LDLRAD4: variants seen among roughly 807,000 people sequenced by gnomAD.
LDLRAD4 encodes the protein low-density lipoprotein receptor class A domain-containing protein 4.
Under a neutral mutation model 17.0 loss-of-function variants are expected in LDLRAD4, and 5 were observed. The observed-to-expected ratio is 0.29, with a 90% CI of 0.15 to 0.62. The LOEUF is 0.62. LDLRAD4 is among the 20% of genes least tolerant of loss of function. The probability of loss-of-function intolerance (pLI) is 0.84; values close to 1 mark genes in which losing one functional copy is unlikely to be tolerated. For synonymous variants in LDLRAD4, 168 were observed against 171.8 expected (o/e 0.98, Z 0.17); for missense variants, 340 against 424.7 (o/e 0.80, Z 1.75).
intron 1 of LDLRAD4, chr18:13,240,174 G>A (rs1264897939): frequency 6.6e-6 from 1 of 152,254 alleles, no homozygotes; most frequent in Non-Finnish European, 1.5e-5. Flanking sequence ...ATGGAGATGG[G>A]CACATGCAGG....
Position 13,323,593 on chromosome 18 carries a change from C to T in LDLRAD4, c.-383+45405C>T, listed in dbSNP as rs2081365981. On this transcript the variant is annotated intron_variant, in intron 1 of 5. Transcript: ENST00000359446. The stretch of plus-strand genomic sequence containing the variant: ...AACAAAACAAAACACCCCTCAGTAA[C>T]TGAGTTAAATAATACTTTAATGTAA... Among the ~76,000 whole-genome samples, 3 of 152,280 alleles carry T rather than the reference C, an allele frequency of 2.0e-5. No homozygotes were observed. In the South Asian group the frequency reaches 6.2e-4, roughly 32 times the overall value.
intron 2 of LDLRAD4, among the ~76,000 whole-genome samples, chr18:13,391,473 C>A (rs1379542732): frequency 1.3e-5 from 2 of 152,108 alleles, no homozygotes; most frequent in African/African-American, 4.8e-5. Context: ...TGGGTATACT[C>A]ACATAGATGC....
chr18:13,403,376 G>A lies in LDLRAD4; in HGVS notation c.40+15614G>A, dbSNP rs79971934. Among the ~76,000 whole-genome samples, 1,066 of 152,282 alleles carry A rather than the reference G, an allele frequency of 7.0e-3. 7 individuals are homozygous for A. Among genetic ancestry groups the A allele is most frequent in the Middle Eastern group, 0.017 (5 of 294 alleles). On this transcript the variant is annotated intron_variant, in intron 2 of 5. Coordinates refer to ENST00000359446, the Ensembl canonical transcript of LDLRAD4. ...TCTGTGGTGAAAAATATATCGGCCT[G>A]GTGCAGTGTCATAGACTGACACTAG... is the stretch of plus-strand genomic sequence containing the variant.
intron 1 of LDLRAD4, among the ~76,000 whole-genome samples, chr18:13,383,528 C>T (rs1331453312): frequency 6.6e-6 from 1 of 152,184 alleles, no homozygotes; most frequent in Admixed American, 6.5e-5. Context: ...AGGAGGCTCA[C>T]GAGAGCAGAA....
At chr18:13,571,624 T>A (rs376233989) in intron 3 of LDLRAD4, among the ~76,000 whole-genome samples, 1 of 152,284 alleles carries the variant, frequency 6.6e-6, no homozygotes, top group African/African-American at 2.4e-5. Context: ...AGAGCAATTA[T>A]TCATAAACTT....
chr18:13,636,231 C>T (rs1169597805), intron 4 of LDLRAD4, among the ~76,000 whole-genome samples: 1 of 152,118 alleles, frequency 6.6e-6, no homozygotes, highest in Non-Finnish European at 1.5e-5. Context: ...ACAGTCCCAG[C>T]ATGCTCAAGT....
intron 1 of LDLRAD4, among the ~76,000 whole-genome samples, chr18:13,354,585 G>A (rs535801146): frequency 6.6e-6 from 1 of 152,118 alleles, no homozygotes; most frequent in African/African-American, 2.4e-5. Flanking sequence ...AAACCAAAGG[G>A]GCCTGAGATG....
chr18:13,278,639 A>G (rs1262175830), intron 1 of LDLRAD4, among the ~76,000 whole-genome samples: 1 of 152,234 alleles, frequency 6.6e-6, no homozygotes, highest in Non-Finnish European at 1.5e-5. Context: ...GGAAGGTAAG[A>G]CATTCTATAA....
intron 1 of LDLRAD4, among the ~76,000 whole-genome samples, chr18:13,373,699 C>T (rs899461652): frequency 6.6e-6 from 1 of 152,160 alleles, no homozygotes; most frequent in Non-Finnish European, 1.5e-5. Flanking sequence ...AAATCAGTAA[C>T]TTGCTTTTGA....
chr18:13,449,731 T>A (rs992843625), intron 3 of LDLRAD4, among the ~76,000 whole-genome samples: 1 of 152,250 alleles, frequency 6.6e-6, no homozygotes, highest in African/African-American at 2.4e-5. Context: ...TTCTAAAAAT[T>A]CAGAGAAAAA....
At chr18:13,399,464 A>C (rs1247903107) in intron 2 of LDLRAD4, among the ~76,000 whole-genome samples, 2 of 152,236 alleles carry the variant, frequency 1.3e-5, no homozygotes, top group African/African-American at 4.8e-5. Context: ...ACTTGCAACG[A>C]AGCCAGACAC....
At chr18:13,493,206 G>A (rs1180914835) in intron 3 of LDLRAD4, among the ~76,000 whole-genome samples, 1 of 152,192 alleles carries the variant, frequency 6.6e-6, no homozygotes, top group East Asian at 1.9e-4. Flanking sequence ...TTGTTTTCAA[G>A]CATTTAAATG....
intron 3 of LDLRAD4, among the ~76,000 whole-genome samples, chr18:13,606,183 A>AT (rs1458427210): frequency 6.6e-6 from 1 of 152,118 alleles, no homozygotes; most frequent in African/African-American, 2.4e-5. Flanking sequence ...GCCTCTATAA[A>AT]AACTTTATAC....
chr18:13,546,402 C>G (rs922849826), intron 3 of LDLRAD4, among the ~76,000 whole-genome samples: 11 of 134,652 alleles, frequency 8.2e-5, no homozygotes, highest in Non-Finnish European at 6.3e-5. Flanking sequence ...AGAGTCTTGC[C>G]CTGTTGCCCA....
chr18:13,458,150 T>TG (rs1231961073), intron 3 of LDLRAD4, among the ~76,000 whole-genome samples: 4 of 152,072 alleles, frequency 2.6e-5, no homozygotes, highest in Non-Finnish European at 5.9e-5. Context: ...GGCCTGGGCA[T>TG]GGGGAAGCAC....
At chr18:13,360,231 C>T (rs961083742) in intron 1 of LDLRAD4, among the ~76,000 whole-genome samples, 3 of 152,202 alleles carry the variant, frequency 2.0e-5, no homozygotes, top group Admixed American at 6.5e-5. Flanking sequence ...AAAAACATCA[C>T]ATCTCGGAGC....
chr18:13,289,136 G>C (rs903709734), intron 1 of LDLRAD4, among the ~76,000 whole-genome samples: 1 of 152,242 alleles, frequency 6.6e-6, no homozygotes, highest in African/African-American at 2.4e-5. Flanking sequence ...CCACATGGCT[G>C]TAAAGGTCCC....
At chr18:13,225,957 C>G (rs1033694949) in intron 1 of LDLRAD4, among the ~76,000 whole-genome samples, 2 of 152,072 alleles carry the variant, frequency 1.3e-5, no homozygotes, top group Middle Eastern at 3.4e-3. Flanking sequence ...CCGGTTTTCT[C>G]TGTTATAAAT....
chr18:13,336,596 C>T (rs1050545414), intron 1 of LDLRAD4, among the ~76,000 whole-genome samples: 1 of 152,082 alleles, frequency 6.6e-6, no homozygotes, highest in African/African-American at 2.4e-5. Context: ...TTCCTCTACC[C>T]CTTTCTTTGG....
Sources: gnomAD v4.1 joint callset for allele counts (sites outside exome capture counted in the v4.1 genomes callset) on GRCh38, gnomAD v4.1.1 for gene constraint, MANE v1.5 for transcripts, NCBI Gene and HGNC (gene_info 2026-07-23, HGNC 2026-07-21) for gene names.